The following ARHGEF3 variants were observed in gnomAD, a reference collection of about 807,000 sequenced individuals.
The protein encoded by ARHGEF3 is Rho guanine nucleotide exchange factor 3, also known as 59.8 kDA protein.
ARHGEF3 carries 28 observed loss-of-function variants against 63.2 expected under a neutral mutation model. That is an observed-to-expected ratio of 0.44 (90% CI 0.33 to 0.61). The LOEUF is 0.61. Among genes scored for constraint, ARHGEF3 ranks in the 20% least tolerant of loss-of-function variants. ARHGEF3 has a pLI of 0.03. For missense variants in ARHGEF3, 533 were observed against 659.3 expected (o/e 0.81, Z 2.10); for synonymous variants, 266 against 254.2 (o/e 1.05, Z -0.44).
At position 56,744,212 on chromosome 3, in the gene ARHGEF3, G is replaced by A. The variant is rs564536806; in HGVS notation, c.870+993C>T. On this transcript the variant is annotated intron_variant, in intron 7 of 9. Coordinates refer to ENST00000296315, the MANE Select transcript of ARHGEF3 (RefSeq NM_019555.3). Reference sequence around the variant, plus strand: ...CCTTATACCTTTGCTCAGGCCACCCGCTCCCCGTGGCCTGCCATCTGCCAT... The same window carrying A: ...CCTTATACCTTTGCTCAGGCCACCCACTCCCCGTGGCCTGCCATCTGCCAT... 4.6e-5 allele frequency among the ~76,000 whole-genome samples: 7 copies of A among 151,842 alleles called. No individual in the cohort carries two copies. The East Asian group carries it at 5.8e-4, about 13-fold the overall frequency.
chr3:57,013,975 T>C (rs867079403), intron 2 of ARHGEF3, among the ~76,000 whole-genome samples: 1 of 152,196 alleles, frequency 6.6e-6, no homozygotes, highest in African/African-American at 2.4e-5. Context: ...CTCTGCTCTT[T>C]GCAATAAATC....
intron 2 of ARHGEF3, among the ~76,000 whole-genome samples, chr3:56,759,753 C>G (rs1337938390): frequency 6.6e-6 from 1 of 151,804 alleles, no homozygotes; most frequent in African/African-American, 2.4e-5. Flanking sequence ...GCTGTGTTGC[C>G]CAGGTTGGTC....
At chr3:56,962,297 T>A (rs969364883) in intron 2 of ARHGEF3, among the ~76,000 whole-genome samples, 1 of 152,162 alleles carries the variant, frequency 6.6e-6, no homozygotes, top group Non-Finnish European at 1.5e-5. Flanking sequence ...CTGGGTATAT[T>A]TCTTCTATTG....
chr3:57,063,313 T>C (rs1258994339), intron 1 of ARHGEF3, among the ~76,000 whole-genome samples: 1 of 152,128 alleles, frequency 6.6e-6, no homozygotes, highest in Non-Finnish European at 1.5e-5. Flanking sequence ...GCTTTGGCTT[T>C]GTTGCAGTGA....
intron 3 of ARHGEF3, among the ~76,000 whole-genome samples, chr3:56,920,477 G>C (rs759703018): frequency 6.6e-6 from 1 of 152,116 alleles, no homozygotes; most frequent in South Asian, 2.1e-4. Context: ...ATATTATAAG[G>C]AACATACTCG....
At chr3:56,953,144 A>G (rs1284767836) in intron 3 of ARHGEF3, among the ~76,000 whole-genome samples, 1 of 152,200 alleles carries the variant, frequency 6.6e-6, no homozygotes, top group Non-Finnish European at 1.5e-5. Flanking sequence ...CTGAGCCTGC[A>G]AGAGAAGTGA....
chr3:56,790,054 A>T (rs2037005642), intron 1 of ARHGEF3, among the ~76,000 whole-genome samples: 1 of 152,250 alleles, frequency 6.6e-6, no homozygotes, highest in African/African-American at 2.4e-5. Flanking sequence ...CAGTCCTCTC[A>T]TTCCAGAAAC....
intron 7 of ARHGEF3, among the ~76,000 whole-genome samples, chr3:56,740,190 G>A (rs1348619977): frequency 6.7e-6 from 1 of 148,608 alleles, no homozygotes; most frequent in Non-Finnish European, 1.5e-5. Flanking sequence ...GAGCCACCAT[G>A]CCTGGCCAAA....
intron 1 of ARHGEF3, chr3:57,075,417 A>C (rs1488314823): frequency 6.0e-6 from 1 of 166,988 alleles, no homozygotes; most frequent in Non-Finnish European, 1.5e-5. Flanking sequence ...TTTTTGAATA[A>C]ATGAAATAAA....
In ARHGEF3 at chr3:56,732,230, A is replaced by T. The variant is rs201838023; in HGVS notation, c.1228+8T>A. On this transcript the variant is annotated splice_region_variant and intron_variant, in intron 9 of 9. Transcript: ENST00000296315. ...ATTCAACAGGTCAACCCCGACTGCTATCCATACTTCTCTCATTGTTGCTGA... is the reference window on the plus strand; with the variant it reads ...ATTCAACAGGTCAACCCCGACTGCTTTCCATACTTCTCTCATTGTTGCTGA... 1.2e-6 allele frequency: 2 copies of T among 1,613,688 alleles called. No individual in the cohort carries two copies. The highest frequency in any genetic ancestry group is 1.8e-4 in the Middle Eastern group (1 of 5,656).
In ARHGEF3 at chr3:56,757,797, A is replaced by G. The variant is rs576085061; in HGVS notation, c.205-2646T>C. On this transcript the variant is annotated intron_variant, in intron 2 of 9. Transcript: ENST00000296315. ...GTGTGCAGTGGCGCAGTCTCAGCTC[A>G]CTGCAAGCTCCGCCTCCCGGGTTCA... is the stretch of plus-strand genomic sequence containing the variant. Among the ~76,000 whole-genome samples the G allele has an allele frequency of 5.3e-4, 80 of 150,938 alleles. No homozygotes were observed. The South Asian group carries it at 6.9e-3, about 13-fold the overall frequency.
chr3:56,967,627 T>C (rs181052594), intron 2 of ARHGEF3, among the ~76,000 whole-genome samples: 19,607 of 86,500 alleles, frequency 0.23, 2,588 homozygotes, highest in East Asian at 0.37. Flanking sequence ...ATATATATTA[T>C]ATAATATATA....
intron 3 of ARHGEF3, among the ~76,000 whole-genome samples, chr3:56,899,527 A>G: frequency 6.6e-6 from 1 of 152,190 alleles, no homozygotes; most frequent in Non-Finnish European, 1.5e-5. Flanking sequence ...TTTTATTTTG[A>G]TACTTATCTA....
chr3:56,944,048 C>A (rs183640721), intron 3 of ARHGEF3, among the ~76,000 whole-genome samples: 1 of 151,020 alleles, frequency 6.6e-6, no homozygotes, highest in Non-Finnish European at 1.5e-5. Flanking sequence ...TGATGGCGGG[C>A]GCCTATAATC....
At chr3:57,016,913 G>A (rs978180253) in intron 2 of ARHGEF3, among the ~76,000 whole-genome samples, 3 of 152,096 alleles carry the variant, frequency 2.0e-5, no homozygotes, top group Middle Eastern at 3.4e-3. Flanking sequence ...AAGAAGACAA[G>A]GAAGTCACTG....
chr3:57,025,634 C>T (rs1057258733), intron 2 of ARHGEF3, among the ~76,000 whole-genome samples: 1 of 152,218 alleles, frequency 6.6e-6, no homozygotes, highest in African/African-American at 2.4e-5. Context: ...TAAAGCCAGA[C>T]GTGAACCTAG....
intron 3 of ARHGEF3, among the ~76,000 whole-genome samples, chr3:56,908,877 G>C (rs558457232): frequency 1.3e-5 from 2 of 152,136 alleles, no homozygotes; most frequent in African/African-American, 4.8e-5. Flanking sequence ...CAAAGGAAGA[G>C]AAATTATTCT....
At chr3:56,975,971 A>C (rs1341655708) in intron 2 of ARHGEF3, among the ~76,000 whole-genome samples, 1 of 152,226 alleles carries the variant, frequency 6.6e-6, no homozygotes, top group Non-Finnish European at 1.5e-5. Context: ...TTTCAATTTA[A>C]AACATTTAAT....
chr3:56,874,706 C>G (rs1303166459), intron 4 of ARHGEF3, among the ~76,000 whole-genome samples: 2 of 152,170 alleles, frequency 1.3e-5, no homozygotes, highest in Non-Finnish European at 2.9e-5. Flanking sequence ...ATAAGACCAG[C>G]TAAAAGCACT....
Sources: gnomAD v4.1 joint callset for allele counts (sites outside exome capture counted in the v4.1 genomes callset) on GRCh38, gnomAD v4.1.1 for gene constraint, MANE v1.5 for transcripts, NCBI Gene and HGNC (gene_info 2026-07-23, HGNC 2026-07-21) for gene names.